Variants in USP34 observed in about 807,000 individuals in gnomAD.
The protein encoded by USP34 is ubiquitin carboxyl-terminal hydrolase 34.
USP34 carries 70 observed loss-of-function variants against 460.3 expected under a neutral mutation model. The observed-to-expected ratio is 0.15, with a 90% CI of 0.13 to 0.19. The LOEUF is 0.19. USP34 is among the 10% of genes least tolerant of loss of function. The pLI, the probability that USP34 is intolerant of heterozygous loss-of-function variation, is 1.00. For synonymous variants in USP34, 1,647 were observed against 1,405.3 expected (o/e 1.17, Z -3.85); for missense variants, 3,985 against 4,236.2 (o/e 0.94, Z 1.65).
intron 2 of USP34, 26 bp from the exon 3 acceptor site, chr2:61,406,154 A>G (rs200092256): frequency 6.8e-7 from 1 of 1,479,884 alleles, no homozygotes; most frequent in Non-Finnish European, 9.0e-7. Flanking sequence ...AATTGAATAA[A>G]TTAGTAATAA....
intron 8 of USP34, among the ~76,000 whole-genome samples, chr2:61,373,146 C>A (rs941931888): frequency 2.0e-5 from 3 of 151,654 alleles, no homozygotes; most frequent in African/African-American, 7.3e-5. Flanking sequence ...ATATTTAACC[C>A]ATAAAATCGC....
chr2:61,260,278 C>G (rs1331731499), intron 43 of USP34, among the ~76,000 whole-genome samples: 1 of 152,158 alleles, frequency 6.6e-6, no homozygotes, highest in Non-Finnish European at 1.5e-5. Context: ...ATCAATAAGT[C>G]AAATTCAGGA....
intron 1 of USP34, among the ~76,000 whole-genome samples, chr2:61,441,002 C>T (rs1694949337): frequency 6.6e-6 from 1 of 151,684 alleles, no homozygotes; most frequent in South Asian, 2.1e-4. Flanking sequence ...ATGGCAGGTG[C>T]CTGTAGTCCC....
chr2:61,220,170 A>G, intron 67 of USP34, 140 bp downstream of exon 67: 9 of 449,556 alleles, frequency 2.0e-5, no homozygotes, highest in South Asian at 6.8e-5. Flanking sequence ...AAAAAAAAAA[A>G]AAAAAAAAAA....
rs1686493507 is a variant in USP34 at position 61,188,053 on chromosome 2, ATGGGGGT to A, written c.*42_*48del. The A allele has an allele frequency of 6.4e-7, 1 of 1,563,630 alleles. No individual in the cohort carries two copies. The highest frequency in any genetic ancestry group is 1.2e-5 in the South Asian group (1 of 81,604). On this transcript the variant is annotated 3_prime_UTR_variant, in exon 80 of 80. Transcript: ENST00000398571. The stretch of plus-strand genomic sequence containing the variant: ...AATAAGCAAAACTTATACAAACAGC[ATGGGGGT>A]TGGGGGTGAGGGACTTAAAAGTAGA...
Position 61,278,285 on chromosome 2 carries a change from A to C in USP34, c.5313T>G (p.Ser1771Arg), listed in dbSNP as rs769109023. The change falls in exon 41 of 80, where the codon AGT (serine) becomes AGG (arginine). Residue 1771 changes from serine to arginine, a missense_variant and splice_region_variant. Transcript: ENST00000398571. ...CATCCTGATGATCAAGGATCTCCCT[A>C]CTACAAAAAAGAAAAAAAATACACA... Reference protein sequence around the residue: ...LARHLADCIRSREILDHQDGN... With the variant: ...LARHLADCIRRREILDHQDGN... The C allele has an allele frequency of 2.5e-6, 4 of 1,612,820 alleles. No homozygotes were observed. Among genetic ancestry groups the C allele is most frequent in the Admixed American group, 1.7e-5 (1 of 59,806 alleles).
At chr2:61,291,560 C>T (rs1292542250) in intron 33 of USP34, among the ~76,000 whole-genome samples, 2 of 152,108 alleles carry the variant, frequency 1.3e-5, no homozygotes, top group Non-Finnish European at 2.9e-5. Flanking sequence ...AAACATTTCA[C>T]CAAAGATTTA....
Position 61,231,325 on chromosome 2 carries a change from T to A in USP34, c.7113+1127A>T, listed in dbSNP as rs116820982. Among the ~76,000 whole-genome samples the A allele has an allele frequency of 8.1e-3, 1,225 of 152,052 alleles. 17 individuals are homozygous for A. The highest frequency in any genetic ancestry group is 0.028 in the African/African-American group (1,165 of 41,474). On this transcript the variant is annotated intron_variant, in intron 58 of 79. Transcript: ENST00000398571. ...GGTGGGGGTGGCAAATGTTCCAAAA[T>A]TAGGTAGTAGTGATGGCTGCACAAC...
chr2:61,348,157 C>T lies in USP34; in HGVS notation c.1998G>A (p.Gly666=), dbSNP rs1691829783. Residue 666 remains glycine, a synonymous_variant, in exon 15 of 80, where the codon GGG becomes GGA. Coordinates refer to ENST00000398571, the MANE Select transcript of USP34 (RefSeq NM_014709.4). ...GGTCCTTTCCTGTTCCGCTGCTTGT[C>T]CCATTTCTTTCTGACATGCCTTGGG... ...GDSQGMSERN[G]TSSGTGKDLV... is the part of the protein sequence containing the mutation. The T allele has an allele frequency of 6.2e-7, 1 of 1,614,190 alleles. No homozygotes were observed. The highest frequency in any genetic ancestry group is 1.7e-5 in the Admixed American group (1 of 60,032).
chr2:61,289,743 T>A (rs1217296095), intron 33 of USP34, among the ~76,000 whole-genome samples: 1 of 152,086 alleles, frequency 6.6e-6, no homozygotes, highest in African/African-American at 2.4e-5. Flanking sequence ...AATAGCCGTA[T>A]GAAGAAGGAA....
At chr2:61,231,116 T>C (rs79197914) in intron 58 of USP34, among the ~76,000 whole-genome samples, 7 of 152,164 alleles carry the variant, frequency 4.6e-5, no homozygotes, top group African/African-American at 9.7e-5. Context: ...CCTGAAAAGA[T>C]TGTTAAATCG....
At chr2:61,250,084 C>G (rs1016012958) in intron 48 of USP34, 1 of 155,898 alleles carries the variant, frequency 6.4e-6, no homozygotes, top group South Asian at 1.9e-4. Flanking sequence ...CATGTCTCCA[C>G]TAAAAATATA....
rs940586557 is a variant in USP34 at position 61,214,485 on chromosome 2, C to T, written c.8257G>A (p.Val2753Met). The T allele has an allele frequency of 1.2e-6, 2 of 1,613,858 alleles. No homozygotes were observed. The highest frequency in any genetic ancestry group is 1.7e-6 in the Non-Finnish European group (2 of 1,180,000). Residue 2753 changes from valine (V) to methionine (M), a missense_variant, in exon 68 of 80, where the codon GTG becomes ATG. Around this residue, in one of 14 missense-constraint regions of USP34, gnomAD observed 604 missense variants for 684.8 expected, o/e 0.88. Transcript: ENST00000398571. ...TAAGTCATAAAGCTAAAATAGGGCA[C>T]TAGCTTTGTAGTGCCATGAACAGCA... Reference protein sequence around the residue: ...DAAVHGTTKLVPYFSFMTYCL... With the variant: ...DAAVHGTTKLMPYFSFMTYCL...
chr2:61,328,981 A>G (rs1691179108), intron 20 of USP34, among the ~76,000 whole-genome samples: 1 of 152,012 alleles, frequency 6.6e-6, no homozygotes, highest in African/African-American at 2.4e-5. Context: ...AATGTGGGCC[A>G]TGTGTGGTTT....
chr2:61,345,862 C>G (rs1691751972), intron 15 of USP34, among the ~76,000 whole-genome samples: 1 of 152,126 alleles, frequency 6.6e-6, no homozygotes, highest in African/African-American at 2.4e-5. Flanking sequence ...ATCTCAAGCT[C>G]CTGGCCTCAA....
intron 6 of USP34, 25 bp downstream of exon 6, chr2:61,383,244 G>C: frequency 1.3e-6 from 2 of 1,530,548 alleles, no homozygotes; most frequent in Non-Finnish European, 1.8e-6. Context: ...TGATAATCGG[G>C]GGTAAAGAAA....
In USP34 at chr2:61,221,483, C is replaced by T. The variant is rs1305669798; in HGVS notation, c.7899+19G>A. The T allele has an allele frequency of 1.3e-6, 2 of 1,593,010 alleles. No homozygotes were observed. The highest frequency in any genetic ancestry group is 2.2e-5 in the East Asian group (1 of 44,476). ...TCCTCAGGAAAATAAACATTGAAAA[C>T]ACCTGCTGCAAGACTTACCTCCCAT... On this transcript the variant is annotated intron_variant, in intron 66 of 79. Transcript: ENST00000398571.
chr2:61,248,508 C>A lies in USP34; in HGVS notation c.6394+3G>T. On this transcript the variant is annotated splice_donor_region_variant and intron_variant, in intron 49 of 79. Coordinates refer to ENST00000398571, the MANE Select transcript of USP34 (RefSeq NM_014709.4). ...AGACAAGAGAAAGAAATGAAAAAATCACCTTCTTTCCTCTCACTCTTTCCC... is the reference window on the plus strand; with the variant it reads ...AGACAAGAGAAAGAAATGAAAAAATAACCTTCTTTCCTCTCACTCTTTCCC... 1 of 1,543,120 alleles carries A rather than the reference C, an allele frequency of 6.5e-7. No individual in the cohort carries two copies. The highest frequency in any genetic ancestry group is 8.8e-7 in the Non-Finnish European group (1 of 1,140,172).
chr2:61,226,836 C>G (rs771437653), intron 62 of USP34: 2 of 439,310 alleles, frequency 4.6e-6, no homozygotes, highest in Non-Finnish European at 7.6e-6. Context: ...ATTTCTAACA[C>G]GACTCATAGA....
Sources: gnomAD v4.1 joint callset for allele counts (sites outside exome capture counted in the v4.1 genomes callset) on GRCh38, gnomAD v4.1.1 for gene constraint, gnomAD v4.1.1 regional missense constraint, MANE v1.5 for transcripts, NCBI Gene and HGNC (gene_info 2026-07-23, HGNC 2026-07-21) for gene names.